The following RALYL variants were observed in gnomAD, a reference collection of about 807,000 sequenced individuals.
RALYL encodes the protein RALY RNA binding protein like.
A neutral mutation model predicts 35.1 loss-of-function variants in RALYL; 29 were observed. The ratio of observed to expected loss-of-function variants is 0.83; its 90% CI spans 0.61 to 1.13. RALYL has a LOEUF of 1.13. RALYL is among the 50% of genes most tolerant of loss of function. The pLI, the probability that RALYL is intolerant of heterozygous loss-of-function variation, is 0.00. For synonymous variants in RALYL, 120 were observed against 127.6 expected (o/e 0.94, Z 0.40); for missense variants, 359 against 360.4 (o/e 1.00, Z 0.03).
At chr8:84,590,442 T>C (rs977334232) in intron 2 of RALYL, among the ~76,000 whole-genome samples, 1 of 152,172 alleles carries the variant, frequency 6.6e-6, no homozygotes, top group Non-Finnish European at 1.5e-5. Flanking sequence ...ATAGCAGAAC[T>C]GAAAACTTGT....
chr8:84,859,512 C>T (rs1331855171), intron 5 of RALYL, among the ~76,000 whole-genome samples: 1 of 152,056 alleles, frequency 6.6e-6, no homozygotes, highest in South Asian at 2.1e-4. Flanking sequence ...AACGTCCCAT[C>T]AAAGTGGAAG....
At chr8:84,368,434 A>T (rs1227059228) in intron 1 of RALYL, among the ~76,000 whole-genome samples, 2 of 152,164 alleles carry the variant, frequency 1.3e-5, no homozygotes, top group Non-Finnish European at 2.9e-5. Context: ...TGCATATACC[A>T]TGTTTTACGC....
At chr8:84,761,094 G>A (rs1812580459) in intron 2 of RALYL, among the ~76,000 whole-genome samples, 1 of 152,000 alleles carries the variant, frequency 6.6e-6, no homozygotes, top group Admixed American at 6.6e-5. Context: ...AAATAGAATA[G>A]GGAATCTCTT....
intron 2 of RALYL, among the ~76,000 whole-genome samples, chr8:84,628,532 T>C (rs765805427): frequency 8.5e-5 from 13 of 152,152 alleles, no homozygotes; most frequent in Non-Finnish European, 1.8e-4. Context: ...TGATTATTAA[T>C]ATTCACCAAA....
At chr8:84,671,581 G>T (rs751651167) in intron 2 of RALYL, among the ~76,000 whole-genome samples, 1 of 152,140 alleles carries the variant, frequency 6.6e-6, no homozygotes, top group Non-Finnish European at 1.5e-5. Flanking sequence ...TGACTTCTGT[G>T]CACTCACAGA....
chr8:84,561,775 C>T (rs760207765), intron 2 of RALYL, among the ~76,000 whole-genome samples: 15 of 151,810 alleles, frequency 9.9e-5, no homozygotes, highest in South Asian at 2.1e-4. Flanking sequence ...GACATAGGGA[C>T]GATTTGGGTT....
At chr8:84,735,126 G>C (rs111345742) in intron 2 of RALYL, among the ~76,000 whole-genome samples, 8 of 150,550 alleles carry the variant, frequency 5.3e-5, no homozygotes, top group African/African-American at 2.0e-4. Context: ...TGGACTGTTC[G>C]TTACCAACTT....
At chr8:84,583,651 C>T (rs1404732636) in intron 2 of RALYL, among the ~76,000 whole-genome samples, 2 of 152,102 alleles carry the variant, frequency 1.3e-5, no homozygotes, top group East Asian at 3.8e-4. Flanking sequence ...TCAGACCTTA[C>T]AGGGAACTTA....
chr8:84,427,631 C>T (rs748181235), intron 1 of RALYL, among the ~76,000 whole-genome samples: 8 of 152,148 alleles, frequency 5.3e-5, no homozygotes, highest in Non-Finnish European at 1.0e-4. Context: ...ATGTATTACT[C>T]ATCTTCCCAT....
intron 1 of RALYL, among the ~76,000 whole-genome samples, chr8:84,262,214 C>A (rs1322391699): frequency 6.6e-6 from 1 of 152,146 alleles, no homozygotes; most frequent in Non-Finnish European, 1.5e-5. Flanking sequence ...TTTAACATTT[C>A]ATTCTGGCAA....
At chr8:84,429,653 T>C (rs2046928902) in intron 1 of RALYL, among the ~76,000 whole-genome samples, 1 of 152,100 alleles carries the variant, frequency 6.6e-6, no homozygotes, top group African/African-American at 2.4e-5. Context: ...TCCCAAACTT[T>C]CATGTTAATA....
chr8:84,193,451 CTAAG>C (rs1281862101), intron 1 of RALYL, among the ~76,000 whole-genome samples: 1 of 152,124 alleles, frequency 6.6e-6, no homozygotes, highest in Non-Finnish European at 1.5e-5. Context: ...ATTAGTTAAA[CTAAG>C]TAACTCATTA....
At chr8:84,896,870 T>C (rs9298431) in intron 8 of RALYL, among the ~76,000 whole-genome samples, 54,304 of 152,006 alleles carry the variant, frequency 0.36, 10,281 homozygotes, top group East Asian at 0.72. Context: ...CAGATAGAGA[T>C]AGGGTCTCCA....
intron 2 of RALYL, among the ~76,000 whole-genome samples, chr8:84,677,806 A>G (rs980910909): frequency 5.9e-5 from 9 of 152,256 alleles, no homozygotes; most frequent in African/African-American, 1.9e-4. Context: ...GACATTTTCA[A>G]TGTACCTTCA....
intron 4 of RALYL, among the ~76,000 whole-genome samples, chr8:84,841,497 A>G (rs1423615485): frequency 2.0e-5 from 3 of 152,244 alleles, no homozygotes. Flanking sequence ...AAAGAGACTT[A>G]GACTCCAACA....
chr8:84,435,404 G>T (rs1336740512), intron 1 of RALYL, among the ~76,000 whole-genome samples: 1 of 152,080 alleles, frequency 6.6e-6, no homozygotes, highest in African/African-American at 2.4e-5. Context: ...ACAAATTTAT[G>T]CTGCTAAATA....
chr8:84,656,100 T>C (rs914244944), intron 2 of RALYL, among the ~76,000 whole-genome samples: 4 of 152,158 alleles, frequency 2.6e-5, no homozygotes, highest in African/African-American at 9.7e-5. Context: ...AGTCAGTTAT[T>C]TTTTGTTTGT....
intron 1 of RALYL, among the ~76,000 whole-genome samples, chr8:84,334,011 T>C (rs1847309740): frequency 6.6e-6 from 1 of 151,944 alleles, no homozygotes; most frequent in Non-Finnish European, 1.5e-5. Flanking sequence ...CTCAGCCTCC[T>C]GGGTAGCTGG....
intron 1 of RALYL, among the ~76,000 whole-genome samples, chr8:84,223,400 A>G (rs191490548): frequency 6.6e-6 from 1 of 152,266 alleles, no homozygotes; most frequent in Admixed American, 6.5e-5. Flanking sequence ...TGTAAGTCAA[A>G]TAAAAGCATT....
Sources: gnomAD v4.1 joint callset for allele counts (sites outside exome capture counted in the v4.1 genomes callset) on GRCh38, gnomAD v4.1.1 for gene constraint, MANE v1.5 for transcripts, NCBI Gene and HGNC (gene_info 2026-07-23, HGNC 2026-07-21) for gene names.